Variants in DKK3 observed in about 807,000 individuals in gnomAD.
DKK3 encodes dickkopf-related protein 3.
DKK3 carries 22 observed loss-of-function variants against 33.2 expected under a neutral mutation model. That is an observed-to-expected ratio of 0.66 (90% CI 0.47 to 0.95). DKK3 has a LOEUF of 0.95. DKK3 is among the 40% of genes least tolerant of loss of function. DKK3 has a pLI of 0.00. For missense variants in DKK3, 398 were observed against 458.4 expected (o/e 0.87, Z 1.20); for synonymous variants, 194 against 188.8 (o/e 1.03, Z -0.23).
intron 3 of DKK3, among the ~76,000 whole-genome samples, chr11:11,985,209 C>T (rs1215457185): frequency 6.6e-6 from 1 of 152,132 alleles, no homozygotes; most frequent in Admixed American, 6.5e-5. Context: ...TTGGTGCTTC[C>T]GGCTGGGGCT....
At chr11:12,004,287 AGTTAAGAATCTCC>A (rs1224940719) in intron 1 of DKK3, among the ~76,000 whole-genome samples, 1 of 152,176 alleles carries the variant, frequency 6.6e-6, no homozygotes, top group African/African-American at 2.4e-5. Context: ...TCTGATCCCC[AGTTAAGAATCTCC>A]GTTCCAGGCA....
intron 3 of DKK3, among the ~76,000 whole-genome samples, chr11:11,983,323 C>T (rs1847995456): frequency 6.6e-6 from 1 of 152,210 alleles, no homozygotes. Context: ...CCTCAGGAGA[C>T]AGTGCTTCTG....
chr11:11,977,078 A>C (rs749414333), intron 3 of DKK3, among the ~76,000 whole-genome samples: 2 of 152,052 alleles, frequency 1.3e-5, no homozygotes, highest in Non-Finnish European at 2.9e-5. Flanking sequence ...TAAAGTGCCA[A>C]TGTCTGCAAA....
chr11:11,985,990 C>G (rs1253837065), intron 3 of DKK3, among the ~76,000 whole-genome samples: 1 of 152,052 alleles, frequency 6.6e-6, no homozygotes, highest in African/African-American at 2.4e-5. Context: ...AAGGGAGGAC[C>G]CTGGAAACAA....
chr11:11,985,833 T>A (rs1458559345), intron 3 of DKK3, among the ~76,000 whole-genome samples: 2 of 152,214 alleles, frequency 1.3e-5, no homozygotes, highest in East Asian at 3.8e-4. Flanking sequence ...ACCTTCCAAA[T>A]CCCAGCAAAA....
chr11:11,971,420 C>T (rs961669784), intron 3 of DKK3, among the ~76,000 whole-genome samples: 2 of 152,222 alleles, frequency 1.3e-5, no homozygotes, highest in African/African-American at 4.8e-5. Flanking sequence ...ATACCACACT[C>T]ATGCCTGTGC....
intron 1 of DKK3, among the ~76,000 whole-genome samples, chr11:12,004,301 G>A (rs1022412252): frequency 5.9e-5 from 9 of 152,148 alleles, no homozygotes; most frequent in Admixed American, 2.6e-4. Context: ...AAGAATCTCC[G>A]TTCCAGGCAA....
chr11:12,006,030 T>C (rs59654478), intron 1 of DKK3, among the ~76,000 whole-genome samples: 2,373 of 152,332 alleles, frequency 0.016, 50 homozygotes, highest in African/African-American at 0.054. Context: ...TACCTGTTAC[T>C]TATTTACAAC....
In DKK3 at chr11:11,965,793, G is replaced by T; in HGVS notation, c.830+16C>A. On this transcript the variant is annotated intron_variant, in intron 6 of 6. Coordinates refer to ENST00000683431, the MANE Select transcript of DKK3 (RefSeq NM_001018057.2). ...CAGCCCTTGGCTCCCTGAGAGTGAG[G>T]GTTAGGGGGCCTCACCTGTGGGGCT... is the stretch of plus-strand genomic sequence containing the variant. 1 of 1,613,014 alleles carries T rather than the reference G, an allele frequency of 6.2e-7. No homozygotes were observed.
chr11:11,965,093 T>C (rs1847555694), intron 6 of DKK3, among the ~76,000 whole-genome samples: 1 of 152,128 alleles, frequency 6.6e-6, no homozygotes, highest in African/African-American at 2.4e-5. Context: ...TCTGTGGGAA[T>C]AGGGAGGAAG....
intron 5 of DKK3, among the ~76,000 whole-genome samples, chr11:11,966,246 A>G (rs1355419131): frequency 2.6e-5 from 4 of 152,218 alleles, no homozygotes; most frequent in Non-Finnish European, 5.9e-5. Context: ...AGGCAAAGGC[A>G]TTCAGGCACA....
At chr11:11,995,133 G>T (rs575218314) in intron 3 of DKK3, among the ~76,000 whole-genome samples, 2 of 152,320 alleles carry the variant, frequency 1.3e-5, no homozygotes, top group African/African-American at 4.8e-5. Flanking sequence ...AGGCTGGAGT[G>T]CAGTGATGCA....
intron 3 of DKK3, among the ~76,000 whole-genome samples, chr11:11,990,306 A>G (rs1193422000): frequency 1.3e-5 from 2 of 152,268 alleles, no homozygotes; most frequent in African/African-American, 2.4e-5. Context: ...AAGTTCAATT[A>G]CTGTCACTTA....
intron 3 of DKK3, among the ~76,000 whole-genome samples, chr11:11,985,582 G>A (rs144164937): frequency 1.3e-5 from 2 of 152,344 alleles, no homozygotes; most frequent in African/African-American, 4.8e-5. Flanking sequence ...ACTAGAAGGA[G>A]TCTAGGCTTT....
upstream of DKK3, chr11:12,008,649 C>A: frequency 1.6e-6 from 2 of 1,275,612 alleles, no homozygotes; most frequent in African/African-American, 3.1e-5. The surrounding 1 kb of genome is among the most constrained non-coding windows in gnomAD (Gnocchi z 4.6). Flanking sequence ...GCGGACCACC[C>A]CCCTCGCTGG....
At chr11:11,992,850 G>A (rs577222364) in intron 3 of DKK3, among the ~76,000 whole-genome samples, 2 of 152,100 alleles carry the variant, frequency 1.3e-5, no homozygotes, top group Non-Finnish European at 2.9e-5. Flanking sequence ...CCAGGCTTGT[G>A]TACTCCTTTA....
intron 2 of DKK3, among the ~76,000 whole-genome samples, chr11:11,999,356 A>T (rs1848373348): frequency 6.6e-6 from 1 of 152,188 alleles, no homozygotes; most frequent in African/African-American, 2.4e-5. Flanking sequence ...CTAACATAGA[A>T]CCCAGGCTCT....
At chr11:11,982,443 C>G (rs1287916302) in intron 3 of DKK3, among the ~76,000 whole-genome samples, 1 of 152,216 alleles carries the variant, frequency 6.6e-6, no homozygotes, top group Admixed American at 6.5e-5. Flanking sequence ...GCTACCTCCA[C>G]AAATCTCCAT....
intron 3 of DKK3, among the ~76,000 whole-genome samples, chr11:11,975,772 C>T (rs1458573721): frequency 6.6e-6 from 1 of 152,180 alleles, no homozygotes; most frequent in African/African-American, 2.4e-5. Context: ...ACACTCCCCT[C>T]TACAGGCTCT....
Sources: allele counts gnomAD v4.1 joint callset (sites outside exome capture counted in the v4.1 genomes callset), GRCh38; gene constraint gnomAD v4.1.1; non-coding constraint Gnocchi (gnomAD v3.1); transcripts MANE v1.5; gene names NCBI Gene and HGNC (gene_info 2026-07-23, HGNC 2026-07-21).